The following NRXN3 variants were observed in gnomAD, a reference collection of about 807,000 sequenced individuals.
The protein encoded by NRXN3 is neurexin III.
NRXN3 carries 32 observed loss-of-function variants against 137.6 expected under a neutral mutation model. That is an observed-to-expected ratio of 0.23 (90% confidence interval 0.18 to 0.31). The LOEUF (loss-of-function observed/expected upper bound fraction) is 0.31, where lower values mean the gene tolerates loss of function less well. NRXN3 is among the 10% of genes least tolerant of loss of function. NRXN3 has a pLI of 1.00. For synonymous variants in NRXN3, 798 were observed against 784.5 expected, an observed-to-expected ratio of 1.02 and a Z score of -0.29; for missense variants, 1,574 against 2,062.5, an observed-to-expected ratio of 0.76 and a Z score of 4.59.
At chr14:78,644,385 C>T (rs1315951106) in intron 4 of NRXN3, among the ~76,000 whole-genome samples, 1 of 152,098 alleles carries the variant, frequency 6.6e-6, no homozygotes, top group East Asian at 1.9e-4. Flanking sequence ...GCCGTCCTGG[C>T]CCTGTGGAAC....
chr14:79,823,975 T>A (rs1340374795), intron 20 of NRXN3: 1 of 423,476 alleles, frequency 2.4e-6, no homozygotes, highest in Non-Finnish European at 5.0e-6. Flanking sequence ...AATGACCCAT[T>A]ACCAGAAAGT....
chr14:79,026,899 T>A lies in NRXN3; in HGVS notation c.3262+38758T>A, dbSNP rs538198796. 2.4e-4 allele frequency among the ~76,000 whole-genome samples: 35 copies of A among 147,244 alleles called. No homozygotes were observed. In the South Asian group the frequency reaches 7.5e-3, roughly 32 times the overall value. On this transcript the variant is annotated intron_variant, in intron 15 of 20. Transcript: ENST00000335750. ...TGCAAAAGAGGCACATGTGCCAGAATCATGCGTGATCCCAGAAAAAAAAGT... is the reference window on the plus strand; with the variant it reads ...TGCAAAAGAGGCACATGTGCCAGAAACATGCGTGATCCCAGAAAAAAAAGT...
intron 4 of NRXN3, among the ~76,000 whole-genome samples, chr14:78,435,573 A>T (rs948679153): frequency 6.6e-6 from 1 of 152,202 alleles, no homozygotes; most frequent in Non-Finnish European, 1.5e-5. Context: ...AGAGCAATAA[A>T]TGTTCTGTGA....
chr14:78,971,532 C>A (rs556380455), intron 14 of NRXN3, among the ~76,000 whole-genome samples: 4 of 152,132 alleles, frequency 2.6e-5, no homozygotes, highest in South Asian at 4.1e-4. Context: ...ACTTTAAGAT[C>A]CCTAGGTAGT....
chr14:78,822,026 G>A (rs2098952281), intron 10 of NRXN3, among the ~76,000 whole-genome samples: 1 of 152,258 alleles, frequency 6.6e-6, no homozygotes, highest in African/African-American at 2.4e-5. Context: ...ACAAGGAGTA[G>A]GAATCTCATG....
chr14:78,197,516 A>T (rs896139108), intron 1 of NRXN3, among the ~76,000 whole-genome samples: 1 of 152,152 alleles, frequency 6.6e-6, no homozygotes, highest in Non-Finnish European at 1.5e-5. Flanking sequence ...TGGGCCTCTC[A>T]TGCTGCTTTC....
chr14:79,402,554 T>C (rs539945070), intron 15 of NRXN3, among the ~76,000 whole-genome samples: 1 of 152,206 alleles, frequency 6.6e-6, no homozygotes, highest in Non-Finnish European at 1.5e-5. Context: ...AGGTCTTAAA[T>C]GTAAATGCAA....
intron 10 of NRXN3, among the ~76,000 whole-genome samples, chr14:78,926,634 A>G (rs1174161044): frequency 2.9e-5 from 3 of 105,206 alleles, no homozygotes; most frequent in East Asian, 4.4e-4. Context: ...TATATATAAT[A>G]TATATTTATA....
chr14:78,728,075 A>G (rs2098495143), intron 8 of NRXN3, among the ~76,000 whole-genome samples: 1 of 152,220 alleles, frequency 6.6e-6, no homozygotes, highest in Non-Finnish European at 1.5e-5. Flanking sequence ...GCTGGGACTT[A>G]TCACTCAGTA....
At chr14:78,855,644 G>C (rs905639852) in intron 10 of NRXN3, among the ~76,000 whole-genome samples, 3 of 152,182 alleles carry the variant, frequency 2.0e-5, no homozygotes, top group Admixed American at 6.5e-5. Flanking sequence ...TAAGAACCCA[G>C]AGGCAATGAA....
chr14:79,160,936 A>G (rs1000970713), intron 15 of NRXN3, among the ~76,000 whole-genome samples: 1 of 151,936 alleles, frequency 6.6e-6, no homozygotes, highest in Non-Finnish European at 1.5e-5. Context: ...GTTTATACAA[A>G]TAGCTGGTGT....
chr14:79,731,058 G>C (rs1363840470), intron 19 of NRXN3, among the ~76,000 whole-genome samples: 1 of 152,220 alleles, frequency 6.6e-6, no homozygotes, highest in Non-Finnish European at 1.5e-5. Flanking sequence ...ATTACAGGAA[G>C]ACACTGCGGG....
chr14:78,821,983 T>A (rs215511), intron 10 of NRXN3, among the ~76,000 whole-genome samples: 139,834 of 152,192 alleles, frequency 0.92, 64,834 homozygotes, highest in Non-Finnish European at 0.99. Flanking sequence ...CATGACTTTG[T>A]TTATCCATCC....
intron 15 of NRXN3, among the ~76,000 whole-genome samples, chr14:79,055,384 G>T (rs2099657097): frequency 6.6e-6 from 1 of 152,174 alleles, no homozygotes; most frequent in South Asian, 2.1e-4. Flanking sequence ...GACTGTACAG[G>T]TGAATAAATG....
At chr14:79,349,857 T>C (rs1038315359) in intron 15 of NRXN3, among the ~76,000 whole-genome samples, 2 of 152,102 alleles carry the variant, frequency 1.3e-5, no homozygotes, top group East Asian at 1.9e-4. Flanking sequence ...GAAGATGCCA[T>C]AGGCAAACCA....
intron 16 of NRXN3, among the ~76,000 whole-genome samples, chr14:79,639,010 A>G (rs1261513765): frequency 6.6e-6 from 1 of 152,114 alleles, no homozygotes; most frequent in Non-Finnish European, 1.5e-5. Flanking sequence ...CTGCCCTTTC[A>G]TCTCTCTGTA....
chr14:79,521,846 G>A (rs530003810), intron 16 of NRXN3, among the ~76,000 whole-genome samples: 1 of 151,978 alleles, frequency 6.6e-6, no homozygotes, highest in Non-Finnish European at 1.5e-5. Context: ...TTATGTTTTG[G>A]TTGATCAAAG....
At chr14:79,350,588 A>G (rs1351032412) in intron 15 of NRXN3, among the ~76,000 whole-genome samples, 2 of 152,178 alleles carry the variant, frequency 1.3e-5, no homozygotes, top group African/African-American at 4.8e-5. Context: ...AGCCTTTGGC[A>G]CACATTGGAG....
rs1286113368 is a variant in NRXN3 at position 78,335,509 on chromosome 14, G to A, written c.757+37649G>A. On this transcript the variant is annotated intron_variant, in intron 4 of 20. Coordinates refer to ENST00000335750, the MANE Select transcript of NRXN3 (RefSeq NM_001330195.2). ...TTGCACCTGGCAGGTGTTTAGTAAT[G>A]ACTGATTGATTGATTGATATTAATG... is the stretch of plus-strand genomic sequence containing the variant. Among the ~76,000 whole-genome samples, 6 of 152,328 alleles carry A rather than the reference G, an allele frequency of 3.9e-5. No individual in the cohort carries two copies. The East Asian group carries it at 1.2e-3, about 29-fold the overall frequency.
Sources: gnomAD v4.1 joint callset for allele counts (sites outside exome capture counted in the v4.1 genomes callset) on GRCh38, gnomAD v4.1.1 for gene constraint, MANE v1.5 for transcripts, NCBI Gene and HGNC (gene_info 2026-07-23, HGNC 2026-07-21) for gene names.